The following MECOM variants were observed in gnomAD, a reference collection of about 807,000 sequenced individuals.
MECOM encodes MDS1 and EVI1 complex locus.
Under a neutral mutation model 116.3 loss-of-function variants are expected in MECOM, and 13 were observed. That is an observed-to-expected ratio of 0.11 (90% CI 0.07 to 0.18). The LOEUF is 0.18. Ranked by LOEUF, MECOM falls within the 10% of genes least tolerant of loss-of-function variation. The pLI is 1.00. For synonymous variants in MECOM, 528 were observed against 535.2 expected (o/e 0.99, Z 0.19); for missense variants, 1,299 against 1,509.0 (o/e 0.86, Z 2.31).
chr3:169,090,354 T>G (rs931482762), intron 14 of MECOM, 118 bp from the exon 15 acceptor site: 2 of 861,582 alleles, frequency 2.3e-6, no homozygotes, highest in Admixed American at 5.7e-5. Context: ...ACATCGGAAA[T>G]GTTTTATTGT....
chr3:169,387,147 G>C (rs1733471537), intron 1 of MECOM, among the ~76,000 whole-genome samples: 1 of 151,938 alleles, frequency 6.6e-6, no homozygotes, highest in Non-Finnish European at 1.5e-5. Context: ...TTCTTACAAA[G>C]TCCTTACCTA....
chr3:169,481,588 AC>A (rs1394694452), intron 1 of MECOM, among the ~76,000 whole-genome samples: 1 of 151,112 alleles, frequency 6.6e-6, no homozygotes, highest in East Asian at 2.0e-4. Context: ...TAAAAAAAAA[AC>A]TAAAAACTTT....
intron 1 of MECOM, among the ~76,000 whole-genome samples, chr3:169,434,861 G>A (rs903560348): frequency 1.3e-5 from 2 of 152,120 alleles, no homozygotes; most frequent in Non-Finnish European, 2.9e-5. Context: ...TTTATGATGT[G>A]TTACAAGGAG....
intron 2 of MECOM, among the ~76,000 whole-genome samples, chr3:169,346,575 G>T (rs577714586): frequency 2.0e-5 from 3 of 151,728 alleles, no homozygotes; most frequent in South Asian, 2.1e-4. Flanking sequence ...TGTGACCATG[G>T]GTAAGTCATT....
intron 1 of MECOM, among the ~76,000 whole-genome samples, chr3:169,594,174 A>AAAAAAAAAAAAAAC (rs1255613781): frequency 8.7e-5 from 11 of 125,960 alleles, no homozygotes; most frequent in African/African-American, 1.3e-4. Flanking sequence ...AAAAAAAAAA[A>AAAAAAAAAAAAAAC]AACACCTTTT....
At chr3:169,595,828 C>G (rs559022703) in intron 1 of MECOM, among the ~76,000 whole-genome samples, 1 of 152,188 alleles carries the variant, frequency 6.6e-6, no homozygotes, top group East Asian at 1.9e-4. Flanking sequence ...AACACAAATA[C>G]CAAAACCAGA....
At chr3:169,524,892 C>T (rs145356286) in intron 1 of MECOM, among the ~76,000 whole-genome samples, 85 of 152,032 alleles carry the variant, frequency 5.6e-4, no homozygotes, top group African/African-American at 1.6e-3. Context: ...CATTAGCTGT[C>T]TTATTTTCCA....
At chr3:169,135,624 A>G (rs1237589705) in intron 3 of MECOM, among the ~76,000 whole-genome samples, 1 of 152,006 alleles carries the variant, frequency 6.6e-6, no homozygotes, top group Admixed American at 6.6e-5. Context: ...ACAACATGTT[A>G]TGAACTAACC....
chr3:169,310,118 G>T (rs1488219374), intron 2 of MECOM, among the ~76,000 whole-genome samples: 3 of 152,130 alleles, frequency 2.0e-5, no homozygotes, highest in African/African-American at 2.4e-5. Flanking sequence ...CAATTCCCTT[G>T]AGCCATTTTG....
At position 169,657,009 on chromosome 3, in the gene MECOM, C is replaced by T. The variant is rs143112317; in HGVS notation, c.37+6327G>A. On this transcript the variant is annotated intron_variant, in intron 1 of 16. Transcript: ENST00000651503. ...TGAAGATAATATCTATATATTTACT[C>T]CTTCCAACTTACAAGGACATACACA... 7.2e-5 allele frequency among the ~76,000 whole-genome samples: 11 copies of T among 152,262 alleles called. No homozygotes were observed. In the East Asian group the frequency reaches 1.9e-3, roughly 27 times the overall value.
chr3:169,530,450 G>A (rs1188617979), intron 1 of MECOM, among the ~76,000 whole-genome samples: 1 of 152,042 alleles, frequency 6.6e-6, no homozygotes, highest in Non-Finnish European at 1.5e-5. Flanking sequence ...AGGGGTGAGA[G>A]GTGAACTGAC....
intron 1 of MECOM, among the ~76,000 whole-genome samples, chr3:169,657,934 A>T (rs1775731944): frequency 6.6e-6 from 1 of 152,148 alleles, no homozygotes; most frequent in African/African-American, 2.4e-5. Flanking sequence ...CAAACTAAGG[A>T]TCTGGAAGAA....
At chr3:169,459,627 A>G (rs1353114512) in intron 1 of MECOM, among the ~76,000 whole-genome samples, 1 of 152,226 alleles carries the variant, frequency 6.6e-6, no homozygotes, top group African/African-American at 2.4e-5. Flanking sequence ...AACTGTTTAT[A>G]TAGAAGTAGA....
intron 2 of MECOM, among the ~76,000 whole-genome samples, chr3:169,154,152 C>T (rs992262441): frequency 2.0e-5 from 3 of 152,062 alleles, no homozygotes; most frequent in Admixed American, 1.3e-4. Context: ...TGTTCTCTGC[C>T]AGTCAGTAAG....
chr3:169,391,863 A>G (rs1462858912), intron 1 of MECOM, among the ~76,000 whole-genome samples: 1 of 152,114 alleles, frequency 6.6e-6, no homozygotes, highest in Non-Finnish European at 1.5e-5. Context: ...CTTCATGTCT[A>G]ATTGAGTCAC....
intron 2 of MECOM, among the ~76,000 whole-genome samples, chr3:169,364,163 T>C (rs1487323899): frequency 2.6e-5 from 4 of 151,988 alleles, no homozygotes; most frequent in African/African-American, 9.7e-5. Flanking sequence ...CTTAGCTCTT[T>C]ATTTGCAAAA....
intron 1 of MECOM, among the ~76,000 whole-genome samples, chr3:169,586,994 C>T (rs1452130956): frequency 6.6e-6 from 1 of 152,174 alleles, no homozygotes; most frequent in African/African-American, 2.4e-5. Context: ...GTTCTAAGCA[C>T]CTTACATGTA....
rs896764295 is a variant in MECOM at position 169,389,564 on chromosome 3, C to T, written c.38-8040G>A. ...AGACTTTTAGCAACCTCTGATGGAC[C>T]TGATGGGCTTTTTCTTCATAAGCTT... On this transcript the variant is annotated intron_variant, in intron 1 of 16. Transcript: ENST00000651503. The T allele has an allele frequency of 7.1e-5, 70 of 985,368 alleles. No homozygotes were observed. The African/African-American group carries it at 1.2e-3, about 16-fold the overall frequency. 61.0% of individuals were successfully genotyped at this position (985,368 alleles called of 1,614,324 possible). A position where few individuals can be genotyped will look rare whatever the true frequency, so the allele number is the denominator to read the frequency against.
intron 2 of MECOM, among the ~76,000 whole-genome samples, chr3:169,175,996 C>T (rs1044347820): frequency 6.6e-5 from 10 of 152,102 alleles, no homozygotes; most frequent in South Asian, 2.1e-4. Context: ...TAATATGGTT[C>T]GTTTTATTTC....
Sources: allele counts gnomAD v4.1 joint callset (sites outside exome capture counted in the v4.1 genomes callset), GRCh38; gene constraint gnomAD v4.1.1; transcripts MANE v1.5; gene names NCBI Gene and HGNC (gene_info 2026-07-23, HGNC 2026-07-21).